ARFGAP1: variants seen among roughly 807,000 people sequenced by gnomAD.
ARFGAP1 encodes the protein ARF GTPase activating protein 1, also known as ADP-ribosylation factor GTPase-activating protein 1.
A neutral mutation model predicts 54.0 loss-of-function variants in ARFGAP1; 26 were observed. That is an observed-to-expected ratio of 0.48 (90% CI 0.35 to 0.67). The LOEUF is 0.67. Ranked by LOEUF, ARFGAP1 falls within the 30% of genes least tolerant of loss-of-function variation. The pLI is 0.00. For missense variants in ARFGAP1, 525 were observed against 535.8 expected, an observed-to-expected ratio of 0.98 and a Z score of 0.20; for synonymous variants, 248 against 211.9, an observed-to-expected ratio of 1.17 and a Z score of -1.48.
Position 63,287,923 on chromosome 20 carries a change from A to ACTCTGCCCTCGTCGTTCCT in ARFGAP1, c.*52_*70dup, listed in dbSNP as rs1230344384. 8.3e-6 allele frequency: 12 copies of ACTCTGCCCTCGTCGTTCCT among 1,454,340 alleles called. No homozygotes were observed. The highest frequency in any genetic ancestry group is 1.1e-5 in the Non-Finnish European group (12 of 1,102,382). 90.1% of individuals were successfully genotyped at this position (1,454,340 alleles called of 1,614,324 possible). A position where few individuals can be genotyped will look rare whatever the true frequency, so the allele number is the denominator to read the frequency against. Reference sequence around the variant, plus strand: ...CGCCCCCGGGCGACTTCGTGTTTGCACTCTGCCCTCGTCGTTCCTCCTCCT... The same window carrying ACTCTGCCCTCGTCGTTCCT: ...CGCCCCCGGGCGACTTCGTGTTTGCACTCTGCCCTCGTCGTTCCTCTCTGCCCTCGTCGTTCCTCCTCCT... On this transcript the variant is annotated 3_prime_UTR_variant, in exon 13 of 13. Transcript: ENST00000370283.
intron 1 of ARFGAP1, among the ~76,000 whole-genome samples, chr20:63,274,543 G>A (rs2067187296): frequency 1.3e-5 from 2 of 152,172 alleles, no homozygotes; most frequent in Middle Eastern, 3.4e-3. Flanking sequence ...AGAGTTCAGC[G>A]TGTTCTCTGT....
chr20:63,283,600 G>T, intron 9 of ARFGAP1: 1 of 500,284 alleles, frequency 2.0e-6, no homozygotes, highest in South Asian at 3.1e-5. Context: ...CCCACCCCCA[G>T]CTGCAGGGAC....
chr20:63,288,209 C>T lies in ARFGAP1; in HGVS notation c.*336C>T, dbSNP rs971195645. On this transcript the variant is annotated 3_prime_UTR_variant, in exon 13 of 13. Transcript: ENST00000370283. ...TGACTGCGTTCCAGCGGCCAGTTCA[C>T]TACGCAGTATCTCTGGGGCCTGGGA... The T allele has an allele frequency of 1.8e-5, 10 of 564,138 alleles. No individual in the cohort carries two copies. In the African/African-American group the frequency reaches 1.8e-4, roughly 10 times the overall value. The allele number at this position is 564,138 out of a possible 1,614,324, so 34.9% of individuals were successfully genotyped here.
At chr20:63,280,997 T>C (rs1283387154) in intron 7 of ARFGAP1, among the ~76,000 whole-genome samples, 1 of 152,206 alleles carries the variant, frequency 6.6e-6, no homozygotes, top group Non-Finnish European at 1.5e-5. Context: ...GGAGGGGTCC[T>C]GCCCTGCAGG....
In ARFGAP1 at chr20:63,276,784, C is replaced by T; in HGVS notation, c.342+133C>T. 1 of 1,075,994 alleles carries T rather than the reference C, an allele frequency of 9.3e-7. No homozygotes were observed. The highest frequency in any genetic ancestry group is 3.0e-5 in the Admixed American group (1 of 33,806). The allele number at this position is 1,075,994 out of a possible 1,614,324, so 66.7% of individuals were successfully genotyped here. ...TCTGACACACCCACTGGGCCACACA[C>T]AACTTGCCGCCCTGGAGCAGAGGCT... is the stretch of plus-strand genomic sequence containing the variant. On this transcript the variant is annotated intron_variant, in intron 4 of 12. Transcript: ENST00000370283. This position sits in a 1 kb window ranked among gnomAD's most constrained non-coding sequence, Gnocchi z 5.2.
intron 7 of ARFGAP1, among the ~76,000 whole-genome samples, chr20:63,279,512 T>G (rs966763227): frequency 6.6e-6 from 1 of 152,164 alleles, no homozygotes; most frequent in African/African-American, 2.4e-5. Flanking sequence ...GGCCATCACT[T>G]ACTTCTAACA....
At position 63,276,517 on chromosome 20, in the gene ARFGAP1, A is replaced by G. The variant is rs1306921494; in HGVS notation, c.208A>G (p.Ile70Val). Residue 70 changes from isoleucine (I) to valine (V), a missense_variant, in exon 4 of 13, where the codon ATT becomes GTT. Around this residue, in one of 3 missense-constraint regions of ARFGAP1, gnomAD observed 466 missense variants for 453.6 expected, o/e 1.03. Coordinates refer to ENST00000370283, the MANE Select transcript of ARFGAP1 (RefSeq NM_018209.4). This position sits in a 1 kb window ranked among gnomAD's most constrained non-coding sequence, Gnocchi z 5.2. ...RSVTMDKWKDIELEKMKAGGN... is the reference protein window; with the variant it reads ...RSVTMDKWKDVELEKMKAGGN... ...TGTTACTATGGACAAGTGGAAGGACATTGAGCTTGAGAAGATGAAAGCTGG... is the reference window on the plus strand; with the variant it reads ...TGTTACTATGGACAAGTGGAAGGACGTTGAGCTTGAGAAGATGAAAGCTGG... The G allele has an allele frequency of 4.3e-6, 7 of 1,613,734 alleles. No individual in the cohort carries two copies. In the African/African-American group the frequency reaches 9.3e-5, roughly 22 times the overall value.
At position 63,272,935 on chromosome 20, in the gene ARFGAP1, C is replaced by T. The variant is rs916497340; in HGVS notation, c.-5+15C>T. The T allele has an allele frequency of 1.3e-5, 2 of 152,068 alleles. No individual in the cohort carries two copies. Among genetic ancestry groups the T allele is most frequent in the African/African-American group, 2.4e-5 (1 of 41,506 alleles). 9.4% of individuals were successfully genotyped at this position (152,068 alleles called of 1,614,324 possible). A position where few individuals can be genotyped will look rare whatever the true frequency, so the allele number is the denominator to read the frequency against. On this transcript the variant is annotated intron_variant, in intron 1 of 12. Coordinates refer to ENST00000370283, the MANE Select transcript of ARFGAP1 (RefSeq NM_018209.4). ...CCTCCCTCCAGGTAAGCGCGCGGCT[C>T]GGCGGCGCGGGCTCGGCCTGAGGCC...
At chr20:63,284,090 T>G in intron 9 of ARFGAP1, 2 of 1,347,994 alleles carry the variant, frequency 1.5e-6, no homozygotes, top group Non-Finnish European at 9.5e-7. Flanking sequence ...CCCTGCGCAG[T>G]ACCACTGCGC....
chr20:63,278,362 A>G (rs1465985736), intron 6 of ARFGAP1, 159 bp downstream of exon 6: 2 of 680,728 alleles, frequency 2.9e-6, no homozygotes, highest in Non-Finnish European at 4.9e-6. Context: ...CAGCCAGCCC[A>G]GTGTGAATTG....
rs772203083 is a variant in ARFGAP1, at chr20:63,288,372, C to T, written c.*499C>T. The T allele has an allele frequency of 2.4e-5, 11 of 456,434 alleles. No homozygotes were observed. The highest frequency in any genetic ancestry group is 7.0e-5 in the Admixed American group (3 of 42,570). 28.3% of individuals were successfully genotyped at this position (456,434 alleles called of 1,614,324 possible). On this transcript the variant is annotated 3_prime_UTR_variant, in exon 13 of 13. Coordinates refer to ENST00000370283, the MANE Select transcript of ARFGAP1 (RefSeq NM_018209.4). ...ATGGAAATGCTGGAAATGATACTGG[C>T]GCTCACGCTGCCATCCGACCACCCT...
rs988293758 is a variant in ARFGAP1 at position 63,278,033 on chromosome 20, G to C, written c.444-84G>C. On this transcript the variant is annotated intron_variant, in intron 5 of 12. Transcript: ENST00000370283. ...TGACGTGAAGGCACTGCCCACGTAGGCCACATGGTTCTGGGGGTGCTTCTG... is the reference window on the plus strand; with the variant it reads ...TGACGTGAAGGCACTGCCCACGTAGCCCACATGGTTCTGGGGGTGCTTCTG... 8 of 1,304,252 alleles carry C rather than the reference G, an allele frequency of 6.1e-6. No homozygotes were observed. In the African/African-American group the frequency reaches 1.2e-4, roughly 19 times the overall value. The allele number at this position is 1,304,252 out of a possible 1,614,324, so 80.8% of individuals were successfully genotyped here.
chr20:63,284,477 C>G (rs2067471068), intron 9 of ARFGAP1: 2 of 1,109,714 alleles, frequency 1.8e-6, no homozygotes, highest in South Asian at 2.6e-5. Context: ...AGGGGGGACT[C>G]GGTGCCTGCC....
intron 2 of ARFGAP1, 101 bp downstream of exon 2, chr20:63,275,741 T>G: frequency 8.5e-7 from 1 of 1,172,300 alleles, no homozygotes; most frequent in Non-Finnish European, 1.3e-6. Context: ...CCTCCTGCAG[T>G]GGATGGTGGT....
chr20:63,286,479 C>A (rs1360001125), intron 12 of ARFGAP1, 37 bp downstream of exon 12: 11 of 1,593,020 alleles, frequency 6.9e-6, no homozygotes, highest in African/African-American at 1.3e-5. Flanking sequence ...GCATCCCACT[C>A]CCCTGCCTTG....
intron 9 of ARFGAP1, 57 bp from the exon 10 acceptor site, chr20:63,284,809 C>A: frequency 6.2e-7 from 1 of 1,603,732 alleles, no homozygotes; most frequent in South Asian, 1.1e-5. Flanking sequence ...CTGCCACTGC[C>A]GACCCGTGTC....
intron 9 of ARFGAP1, 126 bp downstream of exon 9, chr20:63,282,977 A>G: frequency 9.5e-7 from 1 of 1,057,140 alleles, no homozygotes; most frequent in Non-Finnish European, 1.4e-6. Context: ...GAGGGGTCCC[A>G]GCGTAGAAGG....
At position 63,276,478 on chromosome 20, in the gene ARFGAP1, A is replaced by C; in HGVS notation, c.171-2A>C. 6.2e-7 allele frequency: 1 copy of C among 1,609,104 alleles called. No homozygotes were observed. Among genetic ancestry groups the C allele is most frequent in the Non-Finnish European group, 8.5e-7 (1 of 1,177,082 alleles). The stretch of plus-strand genomic sequence containing the variant: ...TGATCTGCTCGATCCTCTGCTTTCC[A>C]GCTTTGTGCGCTCTGTTACTATGGA... On this transcript the variant is annotated splice_acceptor_variant, in intron 3 of 12. Coordinates refer to ENST00000370283, the MANE Select transcript of ARFGAP1 (RefSeq NM_018209.4). LOFTEE classifies it high-confidence loss of function. This position sits in a 1 kb window ranked among gnomAD's most constrained non-coding sequence, Gnocchi z 5.2.
At position 63,281,272 on chromosome 20, in the gene ARFGAP1, T is replaced by TC. The variant is rs751948056; in HGVS notation, c.628-18dup. 1.0e-5 allele frequency: 16 copies of TC among 1,591,804 alleles called. No individual in the cohort carries two copies. The highest frequency in any genetic ancestry group is 1.3e-5 in the African/African-American group (1 of 74,772). On this transcript the variant is annotated intron_variant, in intron 7 of 12. Coordinates refer to ENST00000370283, the MANE Select transcript of ARFGAP1 (RefSeq NM_018209.4). Reference sequence around the variant, plus strand: ...TGGGTCCCAGTCCTGATGTGGCTGCTCTTTGTCGCCTCCCTCAGGGCTGGA... The same window carrying TC: ...TGGGTCCCAGTCCTGATGTGGCTGCTCCTTTGTCGCCTCCCTCAGGGCTGGA...
Sources: gnomAD v4.1 joint callset for allele counts (sites outside exome capture counted in the v4.1 genomes callset) on GRCh38, gnomAD v4.1.1 for gene constraint, gnomAD v4.1.1 regional missense constraint, Gnocchi (gnomAD v3.1) non-coding constraint, MANE v1.5 for transcripts, NCBI Gene and HGNC (gene_info 2026-07-23, HGNC 2026-07-21) for gene names.